The following SGCD variants were observed in gnomAD, a reference collection of about 807,000 sequenced individuals.
SGCD encodes the protein delta-sarcoglycan.
In SGCD, 18 loss-of-function variants were observed where a neutral mutation model predicts 36.6. That is an observed-to-expected ratio of 0.49 (90% CI 0.34 to 0.73). The LOEUF is 0.73. Ranked by LOEUF, SGCD falls within the 30% of genes least tolerant of loss-of-function variation. The pLI is 0.01. For missense variants in SGCD, 387 were observed against 346.7 expected, an observed-to-expected ratio of 1.12 and a Z score of -0.92; for synonymous variants, 133 against 130.6, an observed-to-expected ratio of 1.02 and a Z score of -0.12.
chr5:155,908,744 T>C (rs545856061), intron 1 of SGCD, among the ~76,000 whole-genome samples: 24 of 152,226 alleles, frequency 1.6e-4, no homozygotes, highest in African/African-American at 5.5e-4. Context: ...TTAGATGACG[T>C]CACTTTGGTT....
the SGCD span, among the ~76,000 whole-genome samples, chr5:155,826,206 T>A: frequency 0.88 from 134,013 of 152,250 alleles, 59,061 homozygotes; most frequent in East Asian, 0.99. Flanking sequence ...ATCCTATGTC[T>A]GTCACATGTG....
At chr5:156,470,485 C>T (rs913666164) in intron 3 of SGCD, among the ~76,000 whole-genome samples, 1 of 151,782 alleles carries the variant, frequency 6.6e-6, no homozygotes, top group Non-Finnish European at 1.5e-5. Flanking sequence ...TAATGCTATC[C>T]CTCCCCCCTA....
intron 4 of SGCD, among the ~76,000 whole-genome samples, chr5:156,520,738 C>T (rs923051062): frequency 6.6e-6 from 1 of 152,182 alleles, no homozygotes; most frequent in Middle Eastern, 3.4e-3. Context: ...GACCACACAG[C>T]CAGGCGCGGT....
chr5:156,604,043 C>A (rs1761314985), intron 6 of SGCD, among the ~76,000 whole-genome samples: 2 of 151,874 alleles, frequency 1.3e-5, no homozygotes, highest in South Asian at 4.1e-4. Context: ...CCCTTTAGAT[C>A]TAGTAATATT....
intron 6 of SGCD, among the ~76,000 whole-genome samples, chr5:156,642,382 C>CAATCCCTG (rs1403954516): frequency 1.3e-5 from 2 of 151,584 alleles, no homozygotes; most frequent in Non-Finnish European, 2.9e-5. Context: ...TGAGGCTCTG[C>CAATCCCTG]AATCCCTGAG....
At chr5:155,951,684 A>C (rs1757551300) in intron 1 of SGCD, among the ~76,000 whole-genome samples, 1 of 152,130 alleles carries the variant, frequency 6.6e-6, no homozygotes, top group Non-Finnish European at 1.5e-5. Context: ...ATAAAAGTGG[A>C]GATAGGCTAT....
At chr5:156,094,511 A>G (rs1245981917) in intron 1 of SGCD, among the ~76,000 whole-genome samples, 1 of 152,156 alleles carries the variant, frequency 6.6e-6, no homozygotes, top group Non-Finnish European at 1.5e-5. Context: ...CCTTTGACAA[A>G]ATAATTTTAG....
intron 2 of SGCD, among the ~76,000 whole-genome samples, chr5:156,340,237 T>G (rs1768578275): frequency 6.6e-6 from 1 of 152,232 alleles, no homozygotes; most frequent in East Asian, 1.9e-4. Flanking sequence ...CAATGACAGT[T>G]GAATTCTACA....
chr5:155,878,233 A>G (rs1755806089), intron 1 of SGCD, among the ~76,000 whole-genome samples: 1 of 152,160 alleles, frequency 6.6e-6, no homozygotes, highest in African/African-American at 2.4e-5. Context: ...ATAAGTTTAG[A>G]GTTAGGTTCC....
At chr5:156,726,958 A>G (rs1484808806) in intron 7 of SGCD, among the ~76,000 whole-genome samples, 1 of 152,214 alleles carries the variant, frequency 6.6e-6, no homozygotes, top group Non-Finnish European at 1.5e-5. Flanking sequence ...TAAACAGTAC[A>G]TTGTCCTATT....
intron 3 of SGCD, chr5:156,124,025 A>G (rs1184181840): frequency 1.3e-5 from 2 of 152,140 alleles, no homozygotes; most frequent in Non-Finnish European, 2.9e-5. Flanking sequence ...CTAAGGTATG[A>G]GTTTGTGACT....
intron 4 of SGCD, among the ~76,000 whole-genome samples, chr5:156,588,977 G>A (rs1364009658): frequency 7.1e-6 from 1 of 139,940 alleles, no homozygotes; most frequent in Non-Finnish European, 1.5e-5. Flanking sequence ...TGTGTTCTGG[G>A]GGAATCTATA....
chr5:155,770,464 A>C, the SGCD span, among the ~76,000 whole-genome samples: 1 of 152,198 alleles, frequency 6.6e-6, no homozygotes, highest in Non-Finnish European at 1.5e-5. Context: ...AGCTGTATAA[A>C]GGATCTGAAA....
At chr5:156,283,453 A>G (rs114231955) in intron 3 of SGCD, among the ~76,000 whole-genome samples, 27 of 152,262 alleles carry the variant, frequency 1.8e-4, no homozygotes, top group African/African-American at 6.0e-4. Flanking sequence ...CATTCTTTAT[A>G]GTATTTTTTT....
intron 1 of SGCD, among the ~76,000 whole-genome samples, chr5:155,927,171 A>G (rs577308877): frequency 6.6e-6 from 1 of 152,358 alleles, no homozygotes; most frequent in Non-Finnish European, 1.5e-5. Context: ...TCCATTTCTA[A>G]CGGTCATAGA....
At chr5:155,786,573 G>GTGCA in the SGCD span, among the ~76,000 whole-genome samples, 4 of 152,022 alleles carry the variant, frequency 2.6e-5, no homozygotes, top group African/African-American at 9.7e-5. Context: ...AGGGAAAGAG[G>GTGCA]TGCATGCTAT....
chr5:155,935,344 T>C (rs1312003015), intron 1 of SGCD, among the ~76,000 whole-genome samples: 2 of 152,314 alleles, frequency 1.3e-5, no homozygotes, highest in East Asian at 3.9e-4. Context: ...TCCATCTTCT[T>C]TTTGGTTTCT....
intron 3 of SGCD, among the ~76,000 whole-genome samples, chr5:156,228,487 A>G (rs1457990520): frequency 6.6e-6 from 1 of 152,172 alleles, no homozygotes; most frequent in African/African-American, 2.4e-5. Context: ...GTCAATTTGC[A>G]TTAAATGTCT....
intron 7 of SGCD, among the ~76,000 whole-genome samples, chr5:156,709,955 G>C (rs1183771794): frequency 6.6e-6 from 1 of 151,128 alleles, no homozygotes; most frequent in African/African-American, 2.4e-5. Flanking sequence ...AAGGACTTTT[G>C]ATAGAAGAGT....
Sources: allele counts gnomAD v4.1 joint callset (sites outside exome capture counted in the v4.1 genomes callset), GRCh38; gene constraint gnomAD v4.1.1; transcripts MANE v1.5; gene names NCBI Gene and HGNC (gene_info 2026-07-23, HGNC 2026-07-21).